MRPS28: variants seen among roughly 807,000 people sequenced by gnomAD.
MRPS28 encodes the protein small ribosomal subunit protein bS1m.
In MRPS28, 7 loss-of-function variants were observed where a neutral mutation model predicts 10.8. The observed-to-expected ratio is 0.65, with a 90% confidence interval of 0.37 to 1.22. MRPS28 has a LOEUF of 1.22. Among genes scored for constraint, MRPS28 ranks in the 50% most tolerant of loss-of-function variants. The pLI, the probability that MRPS28 is intolerant of heterozygous loss-of-function variation, is 0.02. For synonymous variants in MRPS28, 121 were observed against 93.3 expected, an observed-to-expected ratio of 1.30 and a Z score of -1.71; for missense variants, 265 against 232.9, an observed-to-expected ratio of 1.14 and a Z score of -0.90.
At chr8:79,971,385 C>A (rs1304683356) in intron 2 of MRPS28, among the ~76,000 whole-genome samples, 4 of 152,108 alleles carry the variant, frequency 2.6e-5, no homozygotes, top group Non-Finnish European at 5.9e-5. Flanking sequence ...CTTAAATAAA[C>A]AATTCAATGG....
rs149331198 is a variant in MRPS28 at position 80,020,618 on chromosome 8, G to C, written c.213+9418C>G. 6.5e-3 allele frequency among the ~76,000 whole-genome samples: 991 copies of C among 152,264 alleles called. 9 individuals carry two copies. The highest frequency in any genetic ancestry group is 0.022 in the African/African-American group (900 of 41,552). On this transcript the variant is annotated intron_variant, in intron 1 of 2. Coordinates refer to ENST00000276585, the MANE Select transcript of MRPS28 (RefSeq NM_014018.3). Reference sequence around the variant, plus strand: ...TGAAATGGTACTGAGAAACGAGAACGAAGATGAGTCATTTTTTCCTCCTAG... The same window carrying C: ...TGAAATGGTACTGAGAAACGAGAACCAAGATGAGTCATTTTTTCCTCCTAG...
At chr8:80,001,313 T>C (rs1404596133) in intron 2 of MRPS28, among the ~76,000 whole-genome samples, 1 of 152,198 alleles carries the variant, frequency 6.6e-6, no homozygotes, top group African/African-American at 2.4e-5. Context: ...AATGAAAAAA[T>C]GATCTGCTAC....
At chr8:80,018,500 A>C (rs1443623166) in intron 1 of MRPS28, among the ~76,000 whole-genome samples, 1 of 152,160 alleles carries the variant, frequency 6.6e-6, no homozygotes, top group Non-Finnish European at 1.5e-5. Flanking sequence ...GCTGATGAGG[A>C]TGTGGAGAAA....
chr8:79,997,974 G>A (rs1229613032), intron 2 of MRPS28, among the ~76,000 whole-genome samples: 2 of 151,332 alleles, frequency 1.3e-5, no homozygotes, highest in Non-Finnish European at 2.9e-5. Context: ...AGAATTGCTT[G>A]AACCTGGGAG....
chr8:79,973,981 A>T (rs371660114), intron 2 of MRPS28, among the ~76,000 whole-genome samples: 4 of 152,172 alleles, frequency 2.6e-5, no homozygotes, highest in East Asian at 1.9e-4. Flanking sequence ...CAAACTCCTG[A>T]CCTCAAATGA....
chr8:79,985,449 G>A (rs950874295), intron 2 of MRPS28, among the ~76,000 whole-genome samples: 1 of 151,954 alleles, frequency 6.6e-6, no homozygotes, highest in Non-Finnish European at 1.5e-5. Context: ...AGGAAATAGA[G>A]ACACAAAAAA....
In MRPS28 at chr8:79,949,633, T is replaced by C. The variant is rs570603859; in HGVS notation, c.396-30485A>G. ...CAGATATTATGTAGTATAATTAATATGTACATTACAGTTCCCGGTATATCT... is the reference window on the plus strand; with the variant it reads ...CAGATATTATGTAGTATAATTAATACGTACATTACAGTTCCCGGTATATCT... On this transcript the variant is annotated intron_variant, in intron 2 of 2. Coordinates refer to ENST00000276585, the MANE Select transcript of MRPS28 (RefSeq NM_014018.3). Among the ~76,000 whole-genome samples, 3 of 152,330 alleles carry C rather than the reference T, an allele frequency of 2.0e-5. No individual in the cohort carries two copies. The South Asian group carries it at 6.2e-4, about 32-fold the overall frequency.
chr8:80,014,087 A>C (rs780455995), intron 1 of MRPS28, among the ~76,000 whole-genome samples: 9 of 152,120 alleles, frequency 5.9e-5, no homozygotes, highest in South Asian at 2.1e-4. Flanking sequence ...CAAGAAGAAG[A>C]AGCTGTGAAA....
chr8:79,919,387 C>T lies in MRPS28; in HGVS notation c.396-239G>A, dbSNP rs140630034. Among the ~76,000 whole-genome samples the T allele has an allele frequency of 6.5e-3, 990 of 151,912 alleles. 8 individuals carry two copies. Among genetic ancestry groups the T allele is most frequent in the African/African-American group, 0.023 (953 of 41,438 alleles). On this transcript the variant is annotated intron_variant, in intron 2 of 2. Transcript: ENST00000276585. ...AAAGAGTTTCACTCTGTTACCCAGG[C>T]GGGAGTACAGTGGTGCAATCAGAGC... is the stretch of plus-strand genomic sequence containing the variant.
At chr8:79,962,659 C>T (rs1387345474) in intron 2 of MRPS28, among the ~76,000 whole-genome samples, 1 of 152,022 alleles carries the variant, frequency 6.6e-6, no homozygotes, top group East Asian at 1.9e-4. Flanking sequence ...ATACCTAGCA[C>T]AGAATCTACT....
chr8:79,931,129 AAAGT>A (rs1806450610), intron 2 of MRPS28, among the ~76,000 whole-genome samples: 1 of 152,232 alleles, frequency 6.6e-6, no homozygotes, highest in Admixed American at 6.5e-5. Context: ...TTATGCCTTT[AAAGT>A]AAGACAAAAC....
intron 2 of MRPS28, among the ~76,000 whole-genome samples, chr8:79,977,601 G>A (rs1807837540): frequency 1.3e-5 from 2 of 152,272 alleles, no homozygotes; most frequent in South Asian, 4.1e-4. Context: ...CAGATCACTT[G>A]AGACCAGGAG....
chr8:79,922,315 C>CTA (rs1191374460), intron 2 of MRPS28, among the ~76,000 whole-genome samples: 1 of 152,126 alleles, frequency 6.6e-6, no homozygotes, highest in African/African-American at 2.4e-5. Context: ...GTAGAGAGAA[C>CTA]TACAGCTCCT....
At chr8:79,987,296 A>C (rs112300590) in intron 2 of MRPS28, among the ~76,000 whole-genome samples, 1 of 152,084 alleles carries the variant, frequency 6.6e-6, no homozygotes, top group African/African-American at 2.4e-5. Flanking sequence ...TAAAGACTTA[A>C]ATGTTAGACC....
Position 80,011,160 on chromosome 8 carries a change from T to C in MRPS28, c.214-7980A>G, listed in dbSNP as rs145188098. On this transcript the variant is annotated intron_variant, in intron 1 of 2. Transcript: ENST00000276585. ...ATTTTTATTTTTTTTTGTAAGCCAT[T>C]CTTGACAAGAGCAGCTACATAATCC... is the stretch of plus-strand genomic sequence containing the variant. 1.1e-3 allele frequency among the ~76,000 whole-genome samples: 171 copies of C among 151,292 alleles called. 1 individual carries two copies. The highest frequency in any genetic ancestry group is 4.0e-3 in the African/African-American group (166 of 41,272).
At chr8:79,953,678 A>G (rs1344339635) in intron 2 of MRPS28, among the ~76,000 whole-genome samples, 1 of 152,226 alleles carries the variant, frequency 6.6e-6, no homozygotes, top group African/African-American at 2.4e-5. Context: ...ACTGAACACA[A>G]AAAGTATTAT....
intron 2 of MRPS28, among the ~76,000 whole-genome samples, chr8:80,001,108 T>C (rs772723453): frequency 2.0e-5 from 3 of 152,084 alleles, no homozygotes; most frequent in Non-Finnish European, 4.4e-5. Flanking sequence ...CTTAGCAGAG[T>C]TGTCACAAAA....
rs529622316 is a variant in MRPS28, at chr8:79,993,256, C to A, written c.395+9743G>T. ...TTAATTGCTTGCATTCCTTAACATG[C>A]AGCTACCAAAGTAGTTTCCAGATTC... On this transcript the variant is annotated intron_variant, in intron 2 of 2. Transcript: ENST00000276585. 1.3e-3 allele frequency among the ~76,000 whole-genome samples: 200 copies of A among 152,306 alleles called. 1 individual carries two copies. The highest frequency in any genetic ancestry group is 4.6e-3 in the African/African-American group (191 of 41,574).
At chr8:80,019,792 T>C (rs890448145) in intron 1 of MRPS28, among the ~76,000 whole-genome samples, 1 of 152,072 alleles carries the variant, frequency 6.6e-6, no homozygotes, top group African/African-American at 2.4e-5. Flanking sequence ...CATTACACAA[T>C]ATAAGGTTAA....
Sources: gnomAD v4.1 joint callset for allele counts (sites outside exome capture counted in the v4.1 genomes callset) on GRCh38, gnomAD v4.1.1 for gene constraint, MANE v1.5 for transcripts, NCBI Gene and HGNC (gene_info 2026-07-23, HGNC 2026-07-21) for gene names.